INTS2: variants seen among roughly 807,000 people sequenced by gnomAD.
INTS2 encodes the protein integrator complex subunit 2, also known as KIAA1287.
In INTS2, 57 loss-of-function variants were observed where a neutral mutation model predicts 139.6. The ratio of observed to expected loss-of-function variants is 0.41; its 90% confidence interval spans 0.33 to 0.51. The LOEUF is 0.51. Ranked by LOEUF, INTS2 falls within the 20% of genes least tolerant of loss-of-function variation. INTS2 has a pLI of 0.28. For synonymous variants in INTS2, 473 were observed against 493.4 expected (o/e 0.96, Z 0.55); for missense variants, 1,196 against 1,436.7 (o/e 0.83, Z 2.71).
chr17:61,890,983 CAAAAAAAAAAA>C (rs753902456), intron 14 of INTS2, among the ~76,000 whole-genome samples: 4 of 11,344 alleles, frequency 3.5e-4, no homozygotes, highest in Middle Eastern at 0.038. Context: ...ACTCCAGTCT[CAAAAAAAAAAA>C]AAAAAAAAAA....
chr17:61,927,228 A>G (rs1567925065), intron 1 of INTS2: 1 of 166,914 alleles, frequency 6.0e-6, no homozygotes, highest in Non-Finnish European at 1.3e-5. Flanking sequence ...GCCAGATTCA[A>G]GGCTCTGGAG....
chr17:61,907,694 G>A lies in INTS2; in HGVS notation c.955-60C>T, dbSNP rs1603380590. On this transcript the variant is annotated intron_variant, in intron 7 of 24. Transcript: ENST00000251334. Reference sequence around the variant, plus strand: ...ATGAAGCATTTACTAAACTAAAAGGGAGCTAAAACATAGCACCCCACTTAA... The same window carrying A: ...ATGAAGCATTTACTAAACTAAAAGGAAGCTAAAACATAGCACCCCACTTAA... 8.0e-6 allele frequency: 11 copies of A among 1,373,714 alleles called. No homozygotes were observed. The East Asian group carries it at 2.7e-4, about 34-fold the overall frequency. 85.1% of individuals were successfully genotyped at this position (1,373,714 alleles called of 1,614,324 possible).
At chr17:61,925,575 T>TA (rs982181922) in intron 2 of INTS2, among the ~76,000 whole-genome samples, 1 of 148,668 alleles carries the variant, frequency 6.7e-6, no homozygotes, top group African/African-American at 2.5e-5. Context: ...AGACTCGGTC[T>TA]AAAAAAAAAT....
intron 4 of INTS2, among the ~76,000 whole-genome samples, chr17:61,920,574 G>A (rs1236877818): frequency 6.7e-6 from 1 of 150,362 alleles, no homozygotes; most frequent in Non-Finnish European, 1.5e-5. Context: ...GGGAAGCTGA[G>A]GCAGGCAGAT....
chr17:61,879,944 T>C (rs1164404359), intron 17 of INTS2, among the ~76,000 whole-genome samples: 1 of 152,238 alleles, frequency 6.6e-6, no homozygotes, highest in African/African-American at 2.4e-5. Flanking sequence ...TTATAGGTGT[T>C]ACAGCTCACA....
chr17:61,887,666 T>C (rs2079243146), intron 15 of INTS2, among the ~76,000 whole-genome samples: 2 of 152,126 alleles, frequency 1.3e-5, no homozygotes, highest in African/African-American at 2.4e-5. Context: ...ACAAAATTAT[T>C]ATAAAGTTCA....
chr17:61,927,923 T>G lies in INTS2; in HGVS notation c.-288A>C. 1.2e-6 allele frequency: 2 copies of G among 1,613,952 alleles called. No homozygotes were observed. The highest frequency in any genetic ancestry group is 1.7e-6 in the Non-Finnish European group (2 of 1,179,868). ...GGAAAAGCGGGAGACTTTTTCAACC[T>G]GCACCCAGCACCTTCATTCATCCCC... On this transcript the variant is annotated 5_prime_UTR_variant, in exon 1 of 25. Transcript: ENST00000251334.
chr17:61,906,564 T>G (rs1355735379), intron 8 of INTS2, among the ~76,000 whole-genome samples: 2 of 152,184 alleles, frequency 1.3e-5, no homozygotes, highest in Non-Finnish European at 2.9e-5. Context: ...GCAACTGTGT[T>G]GAGAGACCAG....
Position 61,868,919 on chromosome 17 carries a change from T to C in INTS2, c.3244+115A>G. The C allele has an allele frequency of 3.2e-6, 2 of 632,058 alleles. No individual in the cohort carries two copies. Among genetic ancestry groups the C allele is most frequent in the Admixed American group, 3.1e-5 (1 of 31,756 alleles). The allele number at this position is 632,058 out of a possible 1,614,324, so 39.2% of individuals were successfully genotyped here. A position where few individuals can be genotyped will look rare whatever the true frequency, so the allele number is the denominator to read the frequency against. ...AAGTTAAACTAGTATTTAACACATATTGTATCATACTGTCTCAGAGTGACA... is the reference window on the plus strand; with the variant it reads ...AAGTTAAACTAGTATTTAACACATACTGTATCATACTGTCTCAGAGTGACA... On this transcript the variant is annotated intron_variant, in intron 23 of 24. Transcript: ENST00000251334. The surrounding 1 kb of genome is among the most constrained non-coding windows in gnomAD (Gnocchi z 4.7).
Position 61,911,665 on chromosome 17 carries a change from C to T in INTS2, c.809G>A (p.Gly270Asp). The T allele has an allele frequency of 1.9e-6, 3 of 1,613,540 alleles. No homozygotes were observed. The highest frequency in any genetic ancestry group is 1.1e-5 in the South Asian group (1 of 90,982). Reference protein sequence around the residue: ...VVEECHLPGLGVALTLDHTKN... With the variant: ...VVEECHLPGLDVALTLDHTKN... ...AGTATGATCCAATGTCAAAGCCACA[C>T]CAAGGCCTGGCAAGTGACATTCTTC... Residue 270 changes from glycine (G) to aspartate (D), a missense_variant, in exon 7 of 25, where the codon GGT becomes GAT. By Grantham distance (94) the Gly-to-Asp change is moderately conservative. Coordinates refer to ENST00000251334, the MANE Select transcript of INTS2 (RefSeq NM_001351695.2).
intron 9 of INTS2, among the ~76,000 whole-genome samples, chr17:61,901,557 C>T (rs1178163360): frequency 2.3e-5 from 3 of 131,534 alleles, no homozygotes; most frequent in African/African-American, 8.7e-5. Flanking sequence ...AAAGACAAAT[C>T]CTAAAAGGCA....
chr17:61,919,535 G>A (rs1222583333), intron 4 of INTS2, 22 bp from the exon 5 acceptor site: 1 of 1,274,470 alleles, frequency 7.8e-7, no homozygotes, highest in Admixed American at 2.0e-5. Flanking sequence ...CAAAGTCAGT[G>A]TTAGTCTTTG....
At chr17:61,915,078 C>T (rs940930339) in intron 5 of INTS2, among the ~76,000 whole-genome samples, 4 of 151,752 alleles carry the variant, frequency 2.6e-5, no homozygotes, top group African/African-American at 9.7e-5. Context: ...GTGGCTCACG[C>T]CTATAATCCC....
chr17:61,919,923 ATC>A (rs2143158522), intron 4 of INTS2, among the ~76,000 whole-genome samples: 1 of 152,258 alleles, frequency 6.6e-6, no homozygotes, highest in South Asian at 2.1e-4. Flanking sequence ...ATTATTAAAT[ATC>A]TTTTGACATT....
chr17:61,889,662 G>T (rs2079269442), intron 15 of INTS2, 124 bp downstream of exon 15: 6 of 569,498 alleles, frequency 1.1e-5, no homozygotes, highest in Admixed American at 6.4e-5. Flanking sequence ...ACATTGCAAA[G>T]ATTATAAAAT....
rs1458839023 is a variant in INTS2 at position 61,919,436 on chromosome 17, G to T, written c.613C>A (p.Leu205Ile). 6.3e-7 allele frequency: 1 copy of T among 1,597,778 alleles called. No homozygotes were observed. Among genetic ancestry groups the T allele is most frequent in the Non-Finnish European group, 8.5e-7 (1 of 1,170,052 alleles). ...HVRNGAWFLCLLVANVPDSFN... is the reference protein window; with the variant it reads ...HVRNGAWFLCILVANVPDSFN... ...CTATCAGGAACATTGGCCACCAAGA[G>T]ACACAAGAACCAGGCACCATTTCTA... The change falls in exon 5 of 25, where the codon CTC (leucine) becomes ATC (isoleucine). Residue 205 changes from leucine (L) to isoleucine (I), a missense_variant. Coordinates refer to ENST00000251334, the MANE Select transcript of INTS2 (RefSeq NM_001351695.2).
chr17:61,925,277 A>G (rs2079697770), intron 2 of INTS2, among the ~76,000 whole-genome samples, 178 bp from the exon 3 acceptor site: 1 of 152,220 alleles, frequency 6.6e-6, no homozygotes, highest in African/African-American at 2.4e-5. Context: ...CATCCTACGT[A>G]TAATAAATAC....
At chr17:61,896,163 C>T (rs189182708) in intron 11 of INTS2, among the ~76,000 whole-genome samples, 141 of 148,792 alleles carry the variant, frequency 9.5e-4, no homozygotes, top group African/African-American at 3.4e-3. Flanking sequence ...TGGCATGAAC[C>T]TGGGAGACGG....
In INTS2 at chr17:61,927,959, T is replaced by A. The variant is rs2079736373; in HGVS notation, c.-324A>T. ...CCTTCATTCATCCCCAGCGTCTGAC[T>A]CCCGTCGGCCACCGTACTGGTCTGA... On this transcript the variant is annotated 5_prime_UTR_variant, in exon 1 of 25. Coordinates refer to ENST00000251334, the MANE Select transcript of INTS2 (RefSeq NM_001351695.2). 1 of 1,613,716 alleles carries A rather than the reference T, an allele frequency of 6.2e-7. No individual in the cohort carries two copies. The highest frequency in any genetic ancestry group is 8.5e-7 in the Non-Finnish European group (1 of 1,179,840).
Sources: allele counts gnomAD v4.1 joint callset (sites outside exome capture counted in the v4.1 genomes callset), GRCh38; gene constraint gnomAD v4.1.1; non-coding constraint Gnocchi (gnomAD v3.1); transcripts MANE v1.5; gene names NCBI Gene and HGNC (gene_info 2026-07-23, HGNC 2026-07-21).